The following AKR1E2 variants were observed in gnomAD, a reference collection of about 807,000 sequenced individuals.
AKR1E2 encodes the protein 1,5-anhydro-D-fructose reductase.
AKR1E2 carries 43 observed loss-of-function variants against 41.9 expected under a neutral mutation model. The ratio of observed to expected loss-of-function variants is 1.03; its 90% CI spans 0.80 to 1.32. The LOEUF is 1.32. Among genes scored for constraint, AKR1E2 ranks in the 40% most tolerant of loss-of-function variants. AKR1E2 has a pLI of 0.00. For missense variants in AKR1E2, 423 were observed against 396.5 expected (o/e 1.07, Z -0.57); for synonymous variants, 121 against 138.9 (o/e 0.87, Z 0.91).
rs1834226456 is a variant in AKR1E2 at position 4,845,121 on chromosome 10, T to TG, written c.838-2022dup. On this transcript the variant is annotated intron_variant, in intron 8 of 9. Coordinates refer to ENST00000298375, the MANE Select transcript of AKR1E2 (RefSeq NM_001040177.3). ...CGCAGCGCCGGTGGGCCAGCACTGCTGGGGGACCTAGCACGCCCTCCTCAG... is the reference window on the plus strand; with the variant it reads ...CGCAGCGCCGGTGGGCCAGCACTGCTGGGGGGACCTAGCACGCCCTCCTCAG... Among the ~76,000 whole-genome samples, 7 of 152,270 alleles carry TG rather than the reference T, an allele frequency of 4.6e-5. No homozygotes were observed. In the South Asian group the frequency reaches 1.4e-3, roughly 32 times the overall value.
chr10:4,844,211 T>G lies in AKR1E2; in HGVS notation c.837+1707T>G, dbSNP rs148286481. Reference sequence around the variant, plus strand: ...TGGTGGGTTCATGGTCTCACTGGCTTAGGAGTGAAGGTGAGGACCTTTGCG... The same window carrying G: ...TGGTGGGTTCATGGTCTCACTGGCTGAGGAGTGAAGGTGAGGACCTTTGCG... On this transcript the variant is annotated intron_variant, in intron 8 of 9. Coordinates refer to ENST00000298375, the MANE Select transcript of AKR1E2 (RefSeq NM_001040177.3). Among the ~76,000 whole-genome samples the G allele has an allele frequency of 6.7e-3, 1,019 of 152,144 alleles. 3 individuals are homozygous for G. Among genetic ancestry groups the G allele is most frequent in the Middle Eastern group, 0.014 (4 of 294 alleles).
chr10:4,856,902 TA>T, the AKR1E2 span, among the ~76,000 whole-genome samples: 1 of 144,824 alleles, frequency 6.9e-6, no homozygotes, highest in Admixed American at 6.8e-5. Flanking sequence ...TGGTATTAAG[TA>T]CATTCACATT....
intron 1 of AKR1E2, among the ~76,000 whole-genome samples, chr10:4,830,399 G>C (rs1406956704): frequency 6.6e-6 from 1 of 151,952 alleles, no homozygotes; most frequent in African/African-American, 2.4e-5. Flanking sequence ...TTATTGCTTT[G>C]ATCATTCAGG....
At chr10:4,869,358 G>C in the AKR1E2 span, among the ~76,000 whole-genome samples, 4 of 152,074 alleles carry the variant, frequency 2.6e-5, no homozygotes, top group Non-Finnish European at 5.9e-5. Flanking sequence ...ATTTCTACAG[G>C]ATCTATAGCA....
chr10:4,830,087 A>G (rs543114865), intron 1 of AKR1E2, among the ~76,000 whole-genome samples: 1 of 152,332 alleles, frequency 6.6e-6, no homozygotes, highest in Non-Finnish European at 1.5e-5. Flanking sequence ...TTTGTGAACT[A>G]TAAAGCCCTT....
upstream of AKR1E2, among the ~76,000 whole-genome samples, chr10:4,825,662 G>A (rs1315878184): frequency 6.6e-6 from 1 of 152,190 alleles, no homozygotes; most frequent in African/African-American, 2.4e-5. Context: ...GGCCAGGCAC[G>A]CTTCTCCCAG....
downstream of AKR1E2, among the ~76,000 whole-genome samples, chr10:4,852,054 T>TAA (rs2131583444): frequency 6.6e-6 from 1 of 152,002 alleles, no homozygotes; most frequent in East Asian, 1.9e-4. Context: ...TATTGACGAG[T>TAA]ATTTGGATGA....
downstream of AKR1E2, among the ~76,000 whole-genome samples, chr10:4,848,414 C>A (rs1834462560): frequency 6.6e-6 from 1 of 152,218 alleles, no homozygotes; most frequent in African/African-American, 2.4e-5. Context: ...TAATGGACTT[C>A]CTGTGGTCCA....
chr10:4,835,881 C>G, intron 4 of AKR1E2, 72 bp downstream of exon 4: 1 of 1,571,774 alleles, frequency 6.4e-7, no homozygotes, highest in Non-Finnish European at 8.6e-7. Context: ...GAGCCCTGAG[C>G]TGCTTGTGTT....
chr10:4,869,043 G>A, the AKR1E2 span, among the ~76,000 whole-genome samples: 1 of 151,964 alleles, frequency 6.6e-6, no homozygotes, highest in African/African-American at 2.4e-5. Context: ...TTGGGGTAAT[G>A]CTAGCTCTGT....
intron 9 of AKR1E2, 28 bp from the exon 10 acceptor site, chr10:4,847,460 A>G: frequency 6.2e-7 from 1 of 1,608,320 alleles, no homozygotes; most frequent in South Asian, 1.1e-5. Flanking sequence ...CTTTGTTCCT[A>G]TTTTTGATTT....
chr10:4,835,900 T>C, intron 4 of AKR1E2, 91 bp downstream of exon 4: 1 of 1,511,642 alleles, frequency 6.6e-7, no homozygotes, highest in Non-Finnish European at 8.9e-7. Context: ...TTCAAAGACA[T>C]CAAGGTTGTC....
intron 8 of AKR1E2, among the ~76,000 whole-genome samples, chr10:4,846,929 A>T (rs912452685): frequency 6.6e-6 from 1 of 152,190 alleles, no homozygotes; most frequent in African/African-American, 2.4e-5. Context: ...GGCTTCCTAA[A>T]TGTAGCCAAG....
At chr10:4,831,473 A>G (rs1308092002) in intron 2 of AKR1E2, among the ~76,000 whole-genome samples, 2 of 152,238 alleles carry the variant, frequency 1.3e-5, no homozygotes, top group African/African-American at 4.8e-5. Context: ...CACGTCTTAC[A>G]TGGTAGCAGA....
At chr10:4,846,412 G>A (rs1290242247) in intron 8 of AKR1E2, among the ~76,000 whole-genome samples, 1 of 152,188 alleles carries the variant, frequency 6.6e-6, no homozygotes, top group South Asian at 2.1e-4. Flanking sequence ...CTCAGAAAAT[G>A]TACTCTGTGA....
At chr10:4,836,612 A>T (rs1395726045) in intron 4 of AKR1E2, among the ~76,000 whole-genome samples, 6 of 152,208 alleles carry the variant, frequency 3.9e-5, no homozygotes, top group Non-Finnish European at 7.3e-5. Flanking sequence ...GAACCCTCGG[A>T]CAGGGAGGAG....
At chr10:4,859,264 G>A in the AKR1E2 span, among the ~76,000 whole-genome samples, 13 of 152,130 alleles carry the variant, frequency 8.5e-5, no homozygotes, top group African/African-American at 1.9e-4. Context: ...ATGAAGCATC[G>A]TTTCTATTCT....
intron 1 of AKR1E2, among the ~76,000 whole-genome samples, chr10:4,827,357 T>C (rs555728158): frequency 7.0e-6 from 1 of 141,940 alleles, no homozygotes; most frequent in Non-Finnish European, 1.6e-5. Flanking sequence ...AATACACATG[T>C]GTAGTAAATT....
At chr10:4,825,885 A>T (rs1356458264), upstream of AKR1E2, among the ~76,000 whole-genome samples, 1 of 152,054 alleles carries the variant, frequency 6.6e-6, no homozygotes, top group Non-Finnish European at 1.5e-5. Context: ...TCGCATATGC[A>T]CCCGGTGCGA....
Sources: allele counts gnomAD v4.1 joint callset (sites outside exome capture counted in the v4.1 genomes callset), GRCh38; gene constraint gnomAD v4.1.1; transcripts MANE v1.5; gene names NCBI Gene and HGNC (gene_info 2026-07-23, HGNC 2026-07-21).